The following ROBO1 variants were observed in gnomAD, a reference collection of about 807,000 sequenced individuals.
The protein encoded by ROBO1 is roundabout guidance receptor 1.
In ROBO1, 149 loss-of-function variants were observed where a neutral mutation model predicts 195.9. The ratio of observed to expected loss-of-function variants is 0.76; its 90% CI spans 0.67 to 0.87. ROBO1 has a LOEUF of 0.87. Ranked by LOEUF, ROBO1 falls within the 40% of genes least tolerant of loss-of-function variation. ROBO1 has a pLI of 0.00. For synonymous variants in ROBO1, 816 were observed against 733.2 expected (o/e 1.11, Z -1.82); for missense variants, 1,933 against 2,068.3 (o/e 0.93, Z 1.27).
At chr3:79,103,288 C>T (rs570388053) in intron 3 of ROBO1, among the ~76,000 whole-genome samples, 7 of 151,844 alleles carry the variant, frequency 4.6e-5, no homozygotes, top group South Asian at 2.1e-4. Context: ...TGGACTAATG[C>T]ATACAAACAG....
chr3:78,936,868 A>C (rs1462961882), intron 4 of ROBO1, among the ~76,000 whole-genome samples: 1 of 152,086 alleles, frequency 6.6e-6, no homozygotes, highest in Non-Finnish European at 1.5e-5. Flanking sequence ...AAAATAAAAA[A>C]AGCAAACTAG....
intron 2 of ROBO1, among the ~76,000 whole-genome samples, chr3:79,426,282 G>T (rs1166752507): frequency 6.6e-6 from 1 of 151,942 alleles, no homozygotes; most frequent in Non-Finnish European, 1.5e-5. Flanking sequence ...CATAATATAC[G>T]CAAGTCCAGG....
chr3:78,993,662 C>G (rs931470667), intron 3 of ROBO1, among the ~76,000 whole-genome samples: 1 of 152,100 alleles, frequency 6.6e-6, no homozygotes, highest in African/African-American at 2.4e-5. Flanking sequence ...CACACCAGAT[C>G]GGGTGGCTGT....
At chr3:79,383,458 T>TA (rs1280399455) in intron 2 of ROBO1, among the ~76,000 whole-genome samples, 1 of 152,026 alleles carries the variant, frequency 6.6e-6, no homozygotes, top group Non-Finnish European at 1.5e-5. Flanking sequence ...AAAAGCAAAG[T>TA]AAAAAATGGA....
chr3:79,355,781 T>G, intron 2 of ROBO1, among the ~76,000 whole-genome samples: 1 of 152,210 alleles, frequency 6.6e-6, no homozygotes, highest in Non-Finnish European at 1.5e-5. Flanking sequence ...TATGTATATA[T>G]ACATCACATT....
chr3:78,718,561 T>G (rs2081959343), intron 5 of ROBO1, among the ~76,000 whole-genome samples: 1 of 152,124 alleles, frequency 6.6e-6, no homozygotes, highest in African/African-American at 2.4e-5. Context: ...TAAAAATTAA[T>G]TTTAAATGTA....
At chr3:79,031,079 T>C (rs2108302420) in intron 3 of ROBO1, among the ~76,000 whole-genome samples, 1 of 152,332 alleles carries the variant, frequency 6.6e-6, no homozygotes, top group South Asian at 2.1e-4. Flanking sequence ...AAAGGTGATA[T>C]GTGATGGTAA....
chr3:79,313,659 T>G (rs1352972752), intron 2 of ROBO1, among the ~76,000 whole-genome samples: 2 of 152,208 alleles, frequency 1.3e-5, no homozygotes, highest in Non-Finnish European at 2.9e-5. Context: ...CTATGGTCAT[T>G]ATGTAGATGA....
At chr3:79,686,319 G>C (rs1947111192) in intron 1 of ROBO1, among the ~76,000 whole-genome samples, 1 of 152,134 alleles carries the variant, frequency 6.6e-6, no homozygotes, top group African/African-American at 2.4e-5. Context: ...ACAAGACAGG[G>C]ATGCCCTCTC....
intron 8 of ROBO1, among the ~76,000 whole-genome samples, chr3:78,691,193 C>T (rs758781378): frequency 3.3e-5 from 5 of 152,064 alleles, no homozygotes; most frequent in South Asian, 4.1e-4. Context: ...AATCTGTCAT[C>T]GTTATCTATC....
At chr3:79,491,237 T>C (rs1939439395) in intron 2 of ROBO1, among the ~76,000 whole-genome samples, 1 of 135,494 alleles carries the variant, frequency 7.4e-6, no homozygotes, top group Non-Finnish European at 1.6e-5. Flanking sequence ...TTTTTTTTTT[T>C]CCAGTTTTTA....
intron 3 of ROBO1, among the ~76,000 whole-genome samples, chr3:79,114,750 C>T (rs1305472751): frequency 6.6e-6 from 1 of 152,128 alleles, no homozygotes; most frequent in Non-Finnish European, 1.5e-5. Flanking sequence ...TCATTATATA[C>T]ATTGTGTATG....
chr3:78,765,790 C>G (rs2083216029), intron 4 of ROBO1, among the ~76,000 whole-genome samples: 1 of 152,152 alleles, frequency 6.6e-6, no homozygotes, highest in Admixed American at 6.5e-5. Context: ...AATTCAGCAT[C>G]TGTGTGTACA....
At chr3:79,002,247 T>C (rs958632869) in intron 3 of ROBO1, among the ~76,000 whole-genome samples, 5 of 152,116 alleles carry the variant, frequency 3.3e-5, no homozygotes, top group Non-Finnish European at 5.9e-5. Flanking sequence ...CACACTCAAG[T>C]TGGCAGCATT....
chr3:79,305,763 A>G (rs2033188785), intron 2 of ROBO1, among the ~76,000 whole-genome samples: 1 of 152,182 alleles, frequency 6.6e-6, no homozygotes, highest in South Asian at 2.1e-4. Flanking sequence ...ACGGAAAACT[A>G]CAAACCAAAC....
chr3:79,135,787 GGCACC>G (rs1274635028), intron 2 of ROBO1, among the ~76,000 whole-genome samples: 1 of 151,984 alleles, frequency 6.6e-6, no homozygotes, highest in African/African-American at 2.4e-5. Flanking sequence ...GCAGGCATGT[GGCACC>G]ACGCCCGGCT....
chr3:78,708,431 C>T (rs148573438), intron 8 of ROBO1, among the ~76,000 whole-genome samples: 8 of 151,874 alleles, frequency 5.3e-5, no homozygotes, highest in African/African-American at 1.9e-4. Context: ...ATTCACCATG[C>T]TTTTCCTAAA....
chr3:78,751,231 CT>C (rs1046698753), intron 4 of ROBO1, among the ~76,000 whole-genome samples: 4 of 151,860 alleles, frequency 2.6e-5, no homozygotes, highest in Non-Finnish European at 2.9e-5. Context: ...GTGATCTGCA[CT>C]TTTTTGTTTT....
intron 5 of ROBO1, among the ~76,000 whole-genome samples, chr3:78,745,886 GTC>G (rs2082645628): frequency 6.6e-6 from 1 of 152,152 alleles, no homozygotes. Context: ...AGGTTGTGCG[GTC>G]TACATTATAA....
Sources: allele counts gnomAD v4.1 joint callset (sites outside exome capture counted in the v4.1 genomes callset), GRCh38; gene constraint gnomAD v4.1.1; transcripts MANE v1.5; gene names NCBI Gene and HGNC (gene_info 2026-07-23, HGNC 2026-07-21).